ACTB: variants seen among roughly 807,000 people sequenced by gnomAD.
The protein encoded by ACTB is actin, cytoplasmic 1.
ACTB carries 2 observed loss-of-function variants against 30.5 expected under a neutral mutation model. The observed-to-expected ratio is 0.07, with a 90% CI of 0.03 to 0.21. The LOEUF (loss-of-function observed/expected upper bound fraction) is 0.21. Among genes scored for constraint, ACTB ranks in the 10% least tolerant of loss-of-function variants. The pLI, the probability that ACTB is intolerant of heterozygous loss-of-function variation, is 1.00. For synonymous variants in ACTB, 335 were observed against 217.6 expected (o/e 1.54, Z -4.75); for missense variants, 56 against 530.0 (o/e 0.11, Z 8.78).
chr7:5,528,088 A>C lies in ACTB; in HGVS notation c.900T>G (p.Ser300=), dbSNP rs13447406. ...RKDLYANTVL[S]GGTTMYPGIA... is the part of the protein sequence containing the mutation. ...TGCCAGGGTACATGGTGGTGCCGCC[A>C]GACAGCACTGTGTTGGCGTACAGGT... Residue 300 remains serine, a synonymous_variant, in exon 5 of 6, where the codon TCT becomes TCG. Coordinates refer to ENST00000646664, the MANE Select transcript of ACTB (RefSeq NM_001101.5). 6.2e-7 allele frequency: 1 copy of C among 1,614,254 alleles called. No homozygotes were observed. Among genetic ancestry groups the C allele is most frequent in the Non-Finnish European group, 8.5e-7 (1 of 1,180,048 alleles).
At position 5,528,097 on chromosome 7, in the gene ACTB, T is replaced by C. The variant is rs371153506; in HGVS notation, c.891A>G (p.Thr297=). The change falls in exon 5 of 6, where the codon ACA becomes ACG. Residue 297 remains threonine (T), a synonymous_variant. Transcript: ENST00000646664. ...VDIRKDLYAN[T]VLSGGTTMYP... is the part of the protein sequence containing the mutation. ...ACATGGTGGTGCCGCCAGACAGCAC[T>C]GTGTTGGCGTACAGGTCTTTGCGGA... 6.2e-6 allele frequency: 10 copies of C among 1,614,090 alleles called. No individual in the cohort carries two copies. Among genetic ancestry groups the C allele is most frequent in the South Asian group, 1.1e-5 (1 of 91,092 alleles).
rs767758078 is a variant in ACTB at position 5,527,704 on chromosome 7, G to A, written c.*44C>T. 1.2e-6 allele frequency: 2 copies of A among 1,611,912 alleles called. No homozygotes were observed. Among genetic ancestry groups the A allele is most frequent in the East Asian group, 4.5e-5 (2 of 44,874 alleles). On this transcript the variant is annotated 3_prime_UTR_variant, in exon 6 of 6. Transcript: ENST00000646664. ...CTCATCTTGTTTTCTGCGCAAGTTA[G>A]GTTTTGTCAAGAAAGGGTGTAACGC...
Position 5,528,377 on chromosome 7 carries a change from G to A in ACTB, c.706C>T (p.Leu236=), listed in dbSNP as rs1229847501. ...TCAGGCAGCTCGTAGCTCTTCTCCAGGGAGGAGCTGGAAGCAGCCGTGGCC... is the reference window on the plus strand; with the variant it reads ...TCAGGCAGCTCGTAGCTCTTCTCCAAGGAGGAGCTGGAAGCAGCCGTGGCC... ...EMATAASSSS[L]EKSYELPDGQ... The change falls in exon 4 of 6, where the codon CTG becomes TTG. Residue 236 remains leucine, a synonymous_variant. Coordinates refer to ENST00000646664, the MANE Select transcript of ACTB (RefSeq NM_001101.5). The A allele has an allele frequency of 1.1e-5, 18 of 1,614,028 alleles. No homozygotes were observed. Among genetic ancestry groups the A allele is most frequent in the Non-Finnish European group, 1.5e-5 (18 of 1,180,046 alleles).
rs1349584058 is a variant in ACTB at position 5,528,151 on chromosome 7, G to A, written c.837C>T (p.Phe279=). The A allele has an allele frequency of 2.5e-6, 4 of 1,614,124 alleles. No individual in the cohort carries two copies. The highest frequency in any genetic ancestry group is 2.7e-5 in the African/African-American group (2 of 74,948). Residue 279 remains phenylalanine (F), a synonymous_variant, in exon 5 of 6, where the codon TTC becomes TTT. Coordinates refer to ENST00000646664, the MANE Select transcript of ACTB (RefSeq NM_001101.5). The part of the protein sequence containing the change: ...MESCGIHETT[F]NSIMKCDVDI... ...CCACGTCACACTTCATGATGGAGTTGAAGGTAGTTTCGTGGATGCCACAGG... is the reference window on the plus strand; with the variant it reads ...CCACGTCACACTTCATGATGGAGTTAAAGGTAGTTTCGTGGATGCCACAGG...
intron 3 of ACTB, 62 bp downstream of exon 3, chr7:5,529,097 GGC>G: frequency 6.2e-7 from 1 of 1,613,550 alleles, no homozygotes; most frequent in Non-Finnish European, 8.5e-7. Flanking sequence ...AGTGAGAAAG[GGC>G]GCAGCTCCGG....
chr7:5,527,959 C>CA (rs1354952767), intron 5 of ACTB, 45 bp downstream of exon 5: 2 of 1,613,094 alleles, frequency 1.2e-6, no homozygotes, highest in South Asian at 1.1e-5. Context: ...CACAGGACCC[C>CA]ACAGCCGACC....
rs1382720283 is a variant in ACTB at position 5,528,449 on chromosome 7, T to C, written c.634A>G (p.Ile212Val). The part of the protein sequence containing the change: ...TTAEREIVRD[I>V]KEKLCYVALD... ...GCGACGTAGCACAGCTTCTCCTTAATGTCACGCACGATTTCCCGCTCGGCC... is the reference window on the plus strand; with the variant it reads ...GCGACGTAGCACAGCTTCTCCTTAACGTCACGCACGATTTCCCGCTCGGCC... The change falls in exon 4 of 6, where the codon ATT (isoleucine) becomes GTT (valine). Residue 212 changes from isoleucine (I) to valine (V), a missense_variant. Around this residue, in one of 5 missense-constraint regions of ACTB, gnomAD observed 32 missense variants for 288.4 expected, o/e 0.11. Transcript: ENST00000646664. 7 of 1,614,138 alleles carry C rather than the reference T, an allele frequency of 4.3e-6. No homozygotes were observed. Among genetic ancestry groups the C allele is most frequent in the South Asian group, 1.1e-5 (1 of 91,086 alleles).
intron 2 of ACTB, 31 bp from the exon 3 acceptor site, chr7:5,529,431 A>C (rs1584263154): frequency 4.3e-6 from 7 of 1,612,878 alleles, no homozygotes; most frequent in Non-Finnish European, 5.9e-6. Flanking sequence ...AGCCCTGAGC[A>C]CGGGCGCAGC....
chr7:5,529,935 A>C (rs1584263965), intron 1 of ACTB: 2 of 360,782 alleles, frequency 5.5e-6, no homozygotes, highest in East Asian at 8.7e-5. Flanking sequence ...GCGCGCGCGC[A>C]CGCAGCGGCC....
chr7:5,530,189 C>T (rs1423525815), intron 1 of ACTB, among the ~76,000 whole-genome samples: 3 of 152,012 alleles, frequency 2.0e-5, no homozygotes, highest in East Asian at 1.9e-4. Context: ...GCGCCCCAGC[C>T]CCCACCGGGC....
Position 5,529,528 on chromosome 7 carries a change from C to A in ACTB, c.123+7G>T. On this transcript the variant is annotated splice_region_variant and intron_variant, in intron 2 of 5. Coordinates refer to ENST00000646664, the MANE Select transcript of ACTB (RefSeq NM_001101.5). ...CCGGGGCTGCCCCACCCAGCCAGCT[C>A]CCCTACCTGGTGCCTGGGGCGCCCC... is the stretch of plus-strand genomic sequence containing the variant. The A allele has an allele frequency of 6.2e-7, 1 of 1,611,194 alleles. No individual in the cohort carries two copies. Among genetic ancestry groups the A allele is most frequent in the Non-Finnish European group, 8.5e-7 (1 of 1,178,842 alleles).
Position 5,528,486 on chromosome 7 carries a change from G to A in ACTB, c.597C>T (p.Ser199=). The A allele has an allele frequency of 4.3e-6, 7 of 1,614,096 alleles. No individual in the cohort carries two copies. Among genetic ancestry groups the A allele is most frequent in the East Asian group, 4.5e-5 (2 of 44,888 alleles). The change falls in exon 4 of 6, where the codon AGC becomes AGT. Residue 199 remains serine, a synonymous_variant. Transcript: ENST00000646664. Reference sequence around the variant, plus strand: ...TTTCCCGCTCGGCCGTGGTGGTGAAGCTGTAGCCGCGCTCGGTGAGGATCT... The same window carrying A: ...TTTCCCGCTCGGCCGTGGTGGTGAAACTGTAGCCGCGCTCGGTGAGGATCT... ...LMKILTERGY[S]FTTTAEREIV...
rs759752775 is a variant in ACTB at position 5,529,445 on chromosome 7, C to T, written c.124-45G>A. ...AAGCCCTGAGCACGGGCGCAGCCCC[C>T]ACCCCGGAAACCGGGAGGCTCCTGT... On this transcript the variant is annotated intron_variant, in intron 2 of 5. Transcript: ENST00000646664. 4 of 1,613,454 alleles carry T rather than the reference C, an allele frequency of 2.5e-6. No homozygotes were observed. In the East Asian group the frequency reaches 8.9e-5, roughly 36 times the overall value.
At position 5,530,200 on chromosome 7, in the gene ACTB, C is replaced by T. The variant is rs13447392; in HGVS notation, c.-7+324G>A. Among the ~76,000 whole-genome samples the T allele has an allele frequency of 4.1e-3, 628 of 152,110 alleles. 2 individuals carry two copies. The highest frequency in any genetic ancestry group is 0.014 in the African/African-American group (601 of 41,538). ...AATGGCGCCCCAGCCCCCACCGGGCCTGGCGGGGGCTCCGCCGCGCCCACC... is the reference window on the plus strand; with the variant it reads ...AATGGCGCCCCAGCCCCCACCGGGCTTGGCGGGGGCTCCGCCGCGCCCACC... On this transcript the variant is annotated intron_variant, in intron 1 of 5. Transcript: ENST00000646664.
chr7:5,527,283 G>T lies in ACTB; in HGVS notation c.*465C>A. 1 of 243,558 alleles carries T rather than the reference G, an allele frequency of 4.1e-6. No individual in the cohort carries two copies. Among genetic ancestry groups the T allele is most frequent in the Admixed American group, 5.3e-5 (1 of 19,010 alleles). 15.1% of individuals were successfully genotyped at this position (243,558 alleles called of 1,614,324 possible). A position where few individuals can be genotyped will look rare whatever the true frequency, so the allele number is the denominator to read the frequency against. ...GTTGGGGGACAAAAAAGGGGGAAGGGGGGGCACGAAGGCTCATCATTCAAA... is the reference window on the plus strand; with the variant it reads ...GTTGGGGGACAAAAAAGGGGGAAGGTGGGGCACGAAGGCTCATCATTCAAA... On this transcript the variant is annotated 3_prime_UTR_variant, in exon 6 of 6. Coordinates refer to ENST00000646664, the MANE Select transcript of ACTB (RefSeq NM_001101.5).
intron 3 of ACTB, 26 bp downstream of exon 3, chr7:5,529,135 A>C (rs372760503): frequency 1.4e-5 from 23 of 1,613,694 alleles, no homozygotes; most frequent in Non-Finnish European, 2.5e-6. Context: ...GGAGGCGGCC[A>C]CCAGAAGAGG....
chr7:5,528,754 A>AC (rs757070435), intron 3 of ACTB, 35 bp from the exon 4 acceptor site: 2 of 1,610,030 alleles, frequency 1.2e-6, no homozygotes, highest in Non-Finnish European at 1.7e-6. Flanking sequence ...CACACTGGGG[A>AC]AGCCACTGGG....
Position 5,529,419 on chromosome 7 carries a change from G to A in ACTB, c.124-19C>T, listed in dbSNP as rs1784834178. On this transcript the variant is annotated intron_variant, in intron 2 of 5. Coordinates refer to ENST00000646664, the MANE Select transcript of ACTB (RefSeq NM_001101.5). ...TCACGCCCTGGGAAGGAAAGGACAA[G>A]AAGCCCTGAGCACGGGCGCAGCCCC... 6 of 1,613,852 alleles carry A rather than the reference G, an allele frequency of 3.7e-6. No individual in the cohort carries two copies. The highest frequency in any genetic ancestry group is 5.1e-6 in the Non-Finnish European group (6 of 1,180,002).
chr7:5,529,533 A>G lies in ACTB; in HGVS notation c.123+2T>C. 1 of 1,610,688 alleles carries G rather than the reference A, an allele frequency of 6.2e-7. No individual in the cohort carries two copies. Among genetic ancestry groups the G allele is most frequent in the Non-Finnish European group, 8.5e-7 (1 of 1,178,516 alleles). On this transcript the variant is annotated splice_donor_variant, in intron 2 of 5. Coordinates refer to ENST00000646664, the MANE Select transcript of ACTB (RefSeq NM_001101.5). LOFTEE classifies it high-confidence loss of function. ...GCTGCCCCACCCAGCCAGCTCCCCT[A>G]CCTGGTGCCTGGGGCGCCCCACGAT...
Sources: allele counts gnomAD v4.1 joint callset (sites outside exome capture counted in the v4.1 genomes callset), GRCh38; gene constraint gnomAD v4.1.1; regional missense constraint gnomAD v4.1.1; transcripts MANE v1.5; gene names NCBI Gene and HGNC (gene_info 2026-07-23, HGNC 2026-07-21).